Variants in MYCBP2 observed in about 807,000 individuals in gnomAD.
MYCBP2 encodes MYC binding protein 2.
MYCBP2 carries 120 observed loss-of-function variants against 525.3 expected under a neutral mutation model. That is an observed-to-expected ratio of 0.23 (90% CI 0.20 to 0.27). The LOEUF is 0.27. Ranked by LOEUF, MYCBP2 falls within the 10% of genes least tolerant of loss-of-function variation. The pLI is 1.00. For missense variants in MYCBP2, 4,149 were observed against 5,657.1 expected (o/e 0.73, Z 8.55); for synonymous variants, 1,894 against 1,955.8 (o/e 0.97, Z 0.83).
intron 68 of MYCBP2, among the ~76,000 whole-genome samples, chr13:77,074,697 A>C (rs2041989348): frequency 6.6e-6 from 1 of 152,238 alleles, no homozygotes; most frequent in Admixed American, 6.5e-5. Context: ...AACCATGGCT[A>C]CATGCTACAA....
intron 24 of MYCBP2, 128 bp from the exon 25 acceptor site, chr13:77,205,726 T>A (rs1213849507): frequency 1.3e-6 from 1 of 754,274 alleles, no homozygotes; most frequent in East Asian, 2.9e-5. Context: ...GCTTTAAACA[T>A]CATTTCATGG....
At chr13:77,316,539 A>G (rs557049048) in intron 1 of MYCBP2, among the ~76,000 whole-genome samples, 14 of 152,244 alleles carry the variant, frequency 9.2e-5, no homozygotes, top group Non-Finnish European at 2.1e-4. Context: ...TATTTCGCCT[A>G]TTATACAATT....
At chr13:77,200,827 C>T (rs1366958476) in intron 26 of MYCBP2, among the ~76,000 whole-genome samples, 2 of 152,040 alleles carry the variant, frequency 1.3e-5, no homozygotes, top group Non-Finnish European at 2.9e-5. Context: ...AAATACTTTA[C>T]AGACAAGCAA....
intron 55 of MYCBP2, among the ~76,000 whole-genome samples, chr13:77,110,340 C>A (rs906796177): frequency 6.6e-6 from 1 of 152,302 alleles, no homozygotes; most frequent in East Asian, 1.9e-4. Context: ...TGGTCTCCTG[C>A]AGTACCCTCA....
chr13:77,304,690 T>C (rs1020069456), intron 1 of MYCBP2, among the ~76,000 whole-genome samples: 1 of 152,150 alleles, frequency 6.6e-6, no homozygotes, highest in Non-Finnish European at 1.5e-5. Flanking sequence ...TCATTACACA[T>C]TGTAAACATG....
At chr13:77,095,807 C>T (rs184386573) in intron 57 of MYCBP2, among the ~76,000 whole-genome samples, 7 of 152,248 alleles carry the variant, frequency 4.6e-5, no homozygotes, top group Non-Finnish European at 1.0e-4. Flanking sequence ...AACTATACTT[C>T]CTTTCCTTCT....
intron 20 of MYCBP2, among the ~76,000 whole-genome samples, chr13:77,218,552 C>A (rs942587574): frequency 3.3e-5 from 5 of 152,256 alleles, no homozygotes; most frequent in African/African-American, 1.2e-4. Context: ...AGACTTCGAA[C>A]AAGTTTTTCA....
intron 55 of MYCBP2, among the ~76,000 whole-genome samples, chr13:77,119,026 CTTTT>C (rs944550324): frequency 2.0e-5 from 3 of 151,998 alleles, no homozygotes; most frequent in African/African-American, 7.2e-5. Context: ...TTAATACTTT[CTTTT>C]TTAAGTTGTT....
At chr13:77,273,301 T>C (rs567256125) in intron 5 of MYCBP2, among the ~76,000 whole-genome samples, 171 bp downstream of exon 5, 2 of 152,314 alleles carry the variant, frequency 1.3e-5, no homozygotes, top group East Asian at 3.9e-4. Flanking sequence ...GCTTCAGAGT[T>C]AAACATACAT....
chr13:77,143,770 G>A (rs1250473174), intron 49 of MYCBP2, among the ~76,000 whole-genome samples: 2 of 152,078 alleles, frequency 1.3e-5, no homozygotes, highest in Admixed American at 1.3e-4. Context: ...GATTACCTGG[G>A]TTATATGGTA....
Position 77,326,443 on chromosome 13 carries a change from G to A in MYCBP2, c.302+31C>T. The A allele has an allele frequency of 6.6e-7, 1 of 1,518,064 alleles. No homozygotes were observed. The highest frequency in any genetic ancestry group is 8.8e-7 in the Non-Finnish European group (1 of 1,138,606). The allele number at this position is 1,518,064 out of a possible 1,614,324, so 94.0% of individuals were successfully genotyped here. A position where few individuals can be genotyped will look rare whatever the true frequency, so the allele number is the denominator to read the frequency against. On this transcript the variant is annotated intron_variant, in intron 1 of 82. Transcript: ENST00000544440. This position sits in a 1 kb window ranked among gnomAD's most constrained non-coding sequence, Gnocchi z 4.2. Reference sequence around the variant, plus strand: ...ATGGGGCGCAAGGAAGGGCGGCATGGGGCGCAAGGAAGGGCACCCTGGGGA... The same window carrying A: ...ATGGGGCGCAAGGAAGGGCGGCATGAGGCGCAAGGAAGGGCACCCTGGGGA...
chr13:77,094,456 TTC>T (rs2045931448), intron 58 of MYCBP2, among the ~76,000 whole-genome samples: 2 of 152,136 alleles, frequency 1.3e-5, no homozygotes, highest in South Asian at 4.1e-4. Context: ...GTTCATGTAT[TTC>T]TCTGTTTAAA....
intron 55 of MYCBP2, chr13:77,109,900 T>C (rs1381901417): frequency 1.3e-5 from 2 of 152,234 alleles, no homozygotes; most frequent in South Asian, 2.1e-4. Context: ...TCCCAAATAA[T>C]ACTCTTACAG....
intron 43 of MYCBP2, among the ~76,000 whole-genome samples, chr13:77,164,232 A>G (rs943320763): frequency 6.6e-5 from 10 of 152,228 alleles, no homozygotes; most frequent in African/African-American, 2.4e-4. Flanking sequence ...AAGCATGTAT[A>G]TGCATAAAAA....
chr13:77,233,281 G>C lies in MYCBP2; in HGVS notation c.2630-18C>G. The C allele has an allele frequency of 1.3e-6, 2 of 1,567,686 alleles. No individual in the cohort carries two copies. The highest frequency in any genetic ancestry group is 1.8e-6 in the Non-Finnish European group (2 of 1,139,362). On this transcript the variant is annotated intron_variant, in intron 17 of 82. Coordinates refer to ENST00000544440, the MANE Select transcript of MYCBP2 (RefSeq NM_015057.5). Reference sequence around the variant, plus strand: ...AAGGGGGCCTGAGGAGAAACATTTTGTATGTGCATAGAAAAACTCACAAAA... The same window carrying C: ...AAGGGGGCCTGAGGAGAAACATTTTCTATGTGCATAGAAAAACTCACAAAA...
rs371891262 is a variant in MYCBP2 at position 77,295,423 on chromosome 13, C to T, written c.378+1176G>A. 1.4e-4 allele frequency among the ~76,000 whole-genome samples: 21 copies of T among 152,178 alleles called. No homozygotes were observed. In the East Asian group the frequency reaches 3.9e-3, roughly 28 times the overall value. ...CGGGGATTACAGGCGTGAGCCACTG[C>T]ACCCAGCCAATGATATCATTTCATC... On this transcript the variant is annotated intron_variant, in intron 2 of 82. Coordinates refer to ENST00000544440, the MANE Select transcript of MYCBP2 (RefSeq NM_015057.5).
intron 37 of MYCBP2, among the ~76,000 whole-genome samples, chr13:77,172,616 A>G (rs983034434): frequency 1.2e-4 from 19 of 152,320 alleles, no homozygotes; most frequent in Admixed American, 1.0e-3. Context: ...GAAGTAGAAG[A>G]AAAGGTCACA....
chr13:77,227,840 G>A (rs1051933899), intron 18 of MYCBP2, among the ~76,000 whole-genome samples: 8 of 152,020 alleles, frequency 5.3e-5, no homozygotes, highest in Non-Finnish European at 7.4e-5. Context: ...TTTAAAGGTT[G>A]GTAATTTAGT....
At position 77,225,529 on chromosome 13, in the gene MYCBP2, C is replaced by T. The variant is rs770516113; in HGVS notation, c.2763G>A (p.Lys921=). ...GGTATGTTGTGATTTTGCTTGCATC[C>T]TTTTCGCCTCTTTCTCCACTTCCAT... The part of the protein sequence containing the change: ...HKDGSGERGE[K]DASKITTYPP... Residue 921 remains lysine (K), a synonymous_variant, in exon 19 of 83, where the codon AAG becomes AAA. Coordinates refer to ENST00000544440, the MANE Select transcript of MYCBP2 (RefSeq NM_015057.5). 2.5e-6 allele frequency: 4 copies of T among 1,613,436 alleles called. No homozygotes were observed. Among genetic ancestry groups the T allele is most frequent in the Non-Finnish European group, 1.7e-6 (2 of 1,179,646 alleles).
Sources: allele counts gnomAD v4.1 joint callset (sites outside exome capture counted in the v4.1 genomes callset), GRCh38; gene constraint gnomAD v4.1.1; non-coding constraint Gnocchi (gnomAD v3.1); transcripts MANE v1.5; gene names NCBI Gene and HGNC (gene_info 2026-07-23, HGNC 2026-07-21).